Variants in ZMAT4 observed in about 807,000 individuals in gnomAD.
ZMAT4 encodes the protein zinc finger matrin-type 4.
ZMAT4 carries 17 observed loss-of-function variants against 28.7 expected under a neutral mutation model. That is an observed-to-expected ratio of 0.59 (90% CI 0.41 to 0.89). The LOEUF (loss-of-function observed/expected upper bound fraction) is 0.89. Among genes scored for constraint, ZMAT4 ranks in the 40% least tolerant of loss-of-function variants. The pLI, the probability that ZMAT4 is intolerant of heterozygous loss-of-function variation, is 0.00. For missense variants in ZMAT4, 240 were observed against 283.8 expected, an observed-to-expected ratio of 0.85 and a Z score of 1.11; for synonymous variants, 117 against 109.2, an observed-to-expected ratio of 1.07 and a Z score of -0.44.
At chr8:40,882,683 G>C (rs1818322092) in intron 1 of ZMAT4, among the ~76,000 whole-genome samples, 1 of 152,186 alleles carries the variant, frequency 6.6e-6, no homozygotes, top group South Asian at 2.1e-4. Context: ...CAATACGCTA[G>C]ACGCTTGGCA....
At chr8:40,581,035 T>A in intron 6 of ZMAT4, 130 bp downstream of exon 6, 1 of 669,412 alleles carries the variant, frequency 1.5e-6, no homozygotes, top group Non-Finnish European at 2.5e-6. Flanking sequence ...AAATATCATG[T>A]GAACTTTGAA....
intron 3 of ZMAT4, among the ~76,000 whole-genome samples, chr8:40,709,058 A>C (rs1011200121): frequency 6.6e-6 from 1 of 152,162 alleles, no homozygotes; most frequent in Non-Finnish European, 1.5e-5. Context: ...GACCCCCTAC[A>C]GTTGTCAAAG....
intron 2 of ZMAT4, among the ~76,000 whole-genome samples, chr8:40,796,909 C>G (rs1264614262): frequency 6.6e-6 from 1 of 152,196 alleles, no homozygotes; most frequent in Non-Finnish European, 1.5e-5. Context: ...ATCCATGCAG[C>G]ACAAGGCCTT....
intron 3 of ZMAT4, among the ~76,000 whole-genome samples, chr8:40,698,954 C>A (rs1810010086): frequency 6.6e-6 from 1 of 151,922 alleles, no homozygotes; most frequent in Non-Finnish European, 1.5e-5. Flanking sequence ...TGCTCATTGG[C>A]AATACTCTCG....
At chr8:40,855,215 G>T (rs1046411180) in intron 1 of ZMAT4, among the ~76,000 whole-genome samples, 1 of 152,160 alleles carries the variant, frequency 6.6e-6, no homozygotes, top group Non-Finnish European at 1.5e-5. Flanking sequence ...GGAGCCATTT[G>T]AGCCTGTATT....
chr8:40,800,936 C>T (rs770304782), intron 2 of ZMAT4, among the ~76,000 whole-genome samples: 3 of 151,922 alleles, frequency 2.0e-5, no homozygotes, highest in Admixed American at 1.3e-4. Context: ...CAACCAAATG[C>T]TCATTCTTCG....
chr8:40,805,913 C>T (rs1815066616), intron 2 of ZMAT4, among the ~76,000 whole-genome samples: 1 of 151,424 alleles, frequency 6.6e-6, no homozygotes, highest in Non-Finnish European at 1.5e-5. Flanking sequence ...ACATTGCGCA[C>T]ATGTACCCTA....
intron 6 of ZMAT4, among the ~76,000 whole-genome samples, chr8:40,538,768 T>C (rs1802928203): frequency 6.6e-6 from 1 of 152,106 alleles, no homozygotes; most frequent in African/African-American, 2.4e-5. Context: ...GTTTCCTTTA[T>C]TGCATTTTTC....
At chr8:40,582,991 C>T (rs561225335) in intron 5 of ZMAT4, among the ~76,000 whole-genome samples, 3 of 152,182 alleles carry the variant, frequency 2.0e-5, no homozygotes, top group East Asian at 1.9e-4. Flanking sequence ...GTCACGAACC[C>T]GTGCTGACCA....
chr8:40,700,918 C>A (rs1051527042), intron 3 of ZMAT4, among the ~76,000 whole-genome samples: 1 of 152,210 alleles, frequency 6.6e-6, no homozygotes, highest in Non-Finnish European at 1.5e-5. Flanking sequence ...GAGGAGCCAG[C>A]ACCTAGCACC....
intron 6 of ZMAT4, among the ~76,000 whole-genome samples, chr8:40,573,575 C>T (rs1012325275): frequency 3.9e-5 from 6 of 152,106 alleles, no homozygotes; most frequent in Non-Finnish European, 1.5e-5. Flanking sequence ...CTGCAAAGAC[C>T]CTATTTACAT....
intron 5 of ZMAT4, among the ~76,000 whole-genome samples, chr8:40,656,771 A>C (rs1807942685): frequency 6.6e-6 from 1 of 152,170 alleles, no homozygotes; most frequent in Non-Finnish European, 1.5e-5. Context: ...TTATGTATCA[A>C]TAAAAAAGGG....
At chr8:40,577,696 G>T (rs1168096991) in intron 6 of ZMAT4, among the ~76,000 whole-genome samples, 4 of 151,950 alleles carry the variant, frequency 2.6e-5, no homozygotes, top group Non-Finnish European at 5.9e-5. Context: ...TGATGAATTT[G>T]CTAATTATAA....
At chr8:40,607,502 C>T (rs1184371483) in intron 5 of ZMAT4, among the ~76,000 whole-genome samples, 1 of 151,986 alleles carries the variant, frequency 6.6e-6, no homozygotes, top group Non-Finnish European at 1.5e-5. Flanking sequence ...CCCTGAGTAT[C>T]TTAATAATTG....
At chr8:40,787,341 C>G (rs942091445) in intron 2 of ZMAT4, among the ~76,000 whole-genome samples, 1 of 152,188 alleles carries the variant, frequency 6.6e-6, no homozygotes, top group Non-Finnish European at 1.5e-5. Flanking sequence ...CATGTTCTGT[C>G]CATGTCATCC....
chr8:40,573,125 C>T (rs183740833), intron 6 of ZMAT4, among the ~76,000 whole-genome samples: 2 of 152,328 alleles, frequency 1.3e-5, no homozygotes, highest in African/African-American at 4.8e-5. Context: ...ACAAGTTACA[C>T]TCCAGTTATC....
intron 6 of ZMAT4, among the ~76,000 whole-genome samples, chr8:40,545,487 A>C (rs1178061017): frequency 1.3e-5 from 2 of 152,212 alleles, no homozygotes; most frequent in African/African-American, 4.8e-5. Context: ...CCTTATTTGG[A>C]AATAATCATT....
rs1038830144 is a variant in ZMAT4, at chr8:40,880,708, ACT to A, written c.-5+16973_-5+16974del. ...CCAAACCTCTAACTTCAGAGCCGGG[ACT>A]CCACGCTTGGCTCCAAAGCTACCCA... On this transcript the variant is annotated intron_variant, in intron 1 of 6. Transcript: ENST00000297737. Among the ~76,000 whole-genome samples, 75 of 152,042 alleles carry A rather than the reference ACT, an allele frequency of 4.9e-4. 1 individual carries two copies. Among genetic ancestry groups the A allele is most frequent in the African/African-American group, 1.8e-3 (74 of 41,496 alleles).
At chr8:40,768,456 A>C (rs1320185690) in intron 2 of ZMAT4, among the ~76,000 whole-genome samples, 1 of 152,136 alleles carries the variant, frequency 6.6e-6, no homozygotes, top group Non-Finnish European at 1.5e-5. Flanking sequence ...CTCAACTGAG[A>C]GTTTCATCCC....
Sources: allele counts gnomAD v4.1 joint callset (sites outside exome capture counted in the v4.1 genomes callset), GRCh38; gene constraint gnomAD v4.1.1; transcripts MANE v1.5; gene names NCBI Gene and HGNC (gene_info 2026-07-23, HGNC 2026-07-21).